The following ATXN2 variants were observed in gnomAD, a reference collection of about 807,000 sequenced individuals.
The protein encoded by ATXN2 is ataxin 2, also known as ataxin-2.
ATXN2 carries 37 observed loss-of-function variants against 138.6 expected under a neutral mutation model. That is an observed-to-expected ratio of 0.27 (90% confidence interval 0.21 to 0.35). The LOEUF (loss-of-function observed/expected upper bound fraction) is 0.35, where lower values mean the gene tolerates loss of function less well. Among genes scored for constraint, ATXN2 ranks in the 10% least tolerant of loss-of-function variants. The pLI is 1.00. For synonymous variants in ATXN2, 549 were observed against 543.7 expected (o/e 1.01, Z -0.13); for missense variants, 1,216 against 1,480.3 (o/e 0.82, Z 2.93).
intron 8 of ATXN2, among the ~76,000 whole-genome samples, 183 bp from the exon 9 acceptor site, chr12:111,518,610 G>A (rs547733544): frequency 2.0e-5 from 3 of 152,290 alleles, no homozygotes; most frequent in East Asian, 1.9e-4. Context: ...CCTCTGGACT[G>A]TCCCTTCCCT....
chr12:111,492,554 C>T (rs1878106450), intron 14 of ATXN2, among the ~76,000 whole-genome samples: 1 of 152,016 alleles, frequency 6.6e-6, no homozygotes. Flanking sequence ...TGGTGGCACG[C>T]ACCTGTAATC....
In ATXN2 at chr12:111,495,339, T is replaced by C. The variant is rs1325432731; in HGVS notation, c.1936-6559A>G. 2.0e-5 allele frequency among the ~76,000 whole-genome samples: 3 copies of C among 148,152 alleles called. No homozygotes were observed. In the East Asian group the frequency reaches 6.0e-4, roughly 30 times the overall value. On this transcript the variant is annotated intron_variant, in intron 14 of 24. Coordinates refer to ENST00000673436, the MANE Select transcript of ATXN2 (RefSeq NM_001372574.1). ...AAAAAAAAAAAAAACCAAAGATCCATTGCCTACAAGAAACACACTTTACCT... is the reference window on the plus strand; with the variant it reads ...AAAAAAAAAAAAAACCAAAGATCCACTGCCTACAAGAAACACACTTTACCT...
At chr12:111,455,083 T>C in intron 23 of ATXN2, 1 of 702,980 alleles carries the variant, frequency 1.4e-6, no homozygotes, top group Middle Eastern at 2.3e-4. Context: ...CTGAGTCGCA[T>C]CTCTAGCCCA....
chr12:111,513,639 A>C, intron 10 of ATXN2, 100 bp from the exon 11 acceptor site: 5 of 978,884 alleles, frequency 5.1e-6, no homozygotes, highest in Non-Finnish European at 5.6e-6. Context: ...ACACACACTC[A>C]CTCACTCTAC....
chr12:111,502,522 C>A (rs1338483766), intron 14 of ATXN2, among the ~76,000 whole-genome samples: 1 of 152,070 alleles, frequency 6.6e-6, no homozygotes, highest in Non-Finnish European at 1.5e-5. Context: ...CACCGCCTCC[C>A]GGGTTCAAGC....
At chr12:111,471,083 T>C in intron 18 of ATXN2, 1 of 213,406 alleles carries the variant, frequency 4.7e-6, no homozygotes, top group East Asian at 9.5e-5. Flanking sequence ...GCTTCTCATA[T>C]GGTATTTTCT....
At chr12:111,555,825 T>C in intron 2 of ATXN2, 58 bp downstream of exon 2, 2 of 1,433,470 alleles carry the variant, frequency 1.4e-6, no homozygotes, top group East Asian at 4.9e-5. Context: ...TGGTCTGTGG[T>C]TAGAGATCAT....
chr12:111,557,867 A>T (rs1477518993), intron 1 of ATXN2, among the ~76,000 whole-genome samples: 1 of 152,194 alleles, frequency 6.6e-6, no homozygotes, highest in African/African-American at 2.4e-5. Flanking sequence ...TAGAACGATG[A>T]TCTGGTATCC....
intron 14 of ATXN2, among the ~76,000 whole-genome samples, chr12:111,493,715 G>A (rs936634421): frequency 1.3e-4 from 19 of 151,288 alleles, no homozygotes; most frequent in Non-Finnish European, 2.5e-4. Context: ...TGCAACCTCC[G>A]CCTCCCAGGT....
At chr12:111,578,642 A>C (rs1369221461) in intron 1 of ATXN2, among the ~76,000 whole-genome samples, 1 of 152,228 alleles carries the variant, frequency 6.6e-6, no homozygotes, top group Non-Finnish European at 1.5e-5. Flanking sequence ...CCCCATCATT[A>C]AGCAATGCAT....
At chr12:111,506,988 T>G (rs1592843591) in intron 14 of ATXN2, among the ~76,000 whole-genome samples, 1 of 152,102 alleles carries the variant, frequency 6.6e-6, no homozygotes, top group East Asian at 1.9e-4. Flanking sequence ...CAGGCTGGAG[T>G]GCAGTGGCGT....
chr12:111,556,923 C>T (rs117401050), intron 1 of ATXN2, among the ~76,000 whole-genome samples: 6 of 151,558 alleles, frequency 4.0e-5, no homozygotes, highest in African/African-American at 1.2e-4. Context: ...AAATAATATG[C>T]GTCTATATGT....
At chr12:111,526,161 T>C (rs7978975) in intron 5 of ATXN2, among the ~76,000 whole-genome samples, 2 of 151,442 alleles carry the variant, frequency 1.3e-5, no homozygotes, top group African/African-American at 2.4e-5. Context: ...ATCGAGACCA[T>C]CCTGGCCAAC....
chr12:111,453,388 C>T lies in ATXN2; in HGVS notation c.3439+289G>A, dbSNP rs936896650. ...CACTGCCCTGTCCAGCCTGTCATAACAAGGAAGGCCAACTGAGTCCTAGGC... is the reference window on the plus strand; with the variant it reads ...CACTGCCCTGTCCAGCCTGTCATAATAAGGAAGGCCAACTGAGTCCTAGGC... On this transcript the variant is annotated intron_variant, in intron 24 of 24. Coordinates refer to ENST00000673436, the MANE Select transcript of ATXN2 (RefSeq NM_001372574.1). This position sits in a 1 kb window ranked among gnomAD's most constrained non-coding sequence, Gnocchi z 5.4. 8.5e-7 allele frequency: 1 copy of T among 1,170,346 alleles called. No homozygotes were observed. Among genetic ancestry groups the T allele is most frequent in the African/African-American group, 1.6e-5 (1 of 62,690 alleles). The allele number at this position is 1,170,346 out of a possible 1,614,324, so 72.5% of individuals were successfully genotyped here. A position where few individuals can be genotyped will look rare whatever the true frequency, so the allele number is the denominator to read the frequency against.
chr12:111,580,079 G>T (rs1030135407), intron 1 of ATXN2, among the ~76,000 whole-genome samples: 4 of 152,120 alleles, frequency 2.6e-5, no homozygotes, highest in Non-Finnish European at 5.9e-5. Flanking sequence ...TCCCCAAGTA[G>T]CTGGGACTAT....
At chr12:111,576,742 A>C (rs1024333481) in intron 1 of ATXN2, among the ~76,000 whole-genome samples, 1 of 151,500 alleles carries the variant, frequency 6.6e-6, no homozygotes, top group Non-Finnish European at 1.5e-5. Context: ...GGCGGATCAC[A>C]AAGTCAGGAG....
intron 11 of ATXN2, among the ~76,000 whole-genome samples, chr12:111,512,297 A>G (rs1481346273): frequency 1.3e-5 from 2 of 151,888 alleles, no homozygotes; most frequent in African/African-American, 4.8e-5. Flanking sequence ...AAAGAGAAAA[A>G]GTGTTTTTTT....
At position 111,552,319 on chromosome 12, in the gene ATXN2, C is replaced by G. The variant is rs776233562; in HGVS notation, c.532G>C (p.Val178Leu). Residue 178 changes from valine (V) to leucine (L), a missense_variant, in exon 5 of 25, where the codon GTA becomes CTA. Val to Leu is a conservative substitution (Grantham distance 32). This residue lies in a region of ATXN2 where 401 missense variants were observed against 528.1 expected (regional missense o/e 0.76). Coordinates refer to ENST00000673436, the MANE Select transcript of ATXN2 (RefSeq NM_001372574.1). This position sits in a 1 kb window ranked among gnomAD's most constrained non-coding sequence, Gnocchi z 4.1. The part of the protein sequence containing the change: ...ILFKCSDFVV[V>L]QFKDMDSSYA... ...CTGGAGTCCATATCTTTAAACTGTA[C>G]CACAACAAAGTCTGAACATTTGAAC... The G allele has an allele frequency of 3.1e-6, 5 of 1,612,756 alleles. No individual in the cohort carries two copies. Among genetic ancestry groups the G allele is most frequent in the Non-Finnish European group, 4.2e-6 (5 of 1,179,556 alleles).
chr12:111,508,635 C>G (rs1241549080), intron 14 of ATXN2, among the ~76,000 whole-genome samples: 1 of 151,598 alleles, frequency 6.6e-6, no homozygotes, highest in Admixed American at 6.6e-5. Context: ...TTGGTCAAGA[C>G]AGGGTTTCAC....
Sources: allele counts gnomAD v4.1 joint callset (sites outside exome capture counted in the v4.1 genomes callset), GRCh38; gene constraint gnomAD v4.1.1; regional missense constraint gnomAD v4.1.1; non-coding constraint Gnocchi (gnomAD v3.1); transcripts MANE v1.5; gene names NCBI Gene and HGNC (gene_info 2026-07-23, HGNC 2026-07-21).